The following PROM1 variants were observed in gnomAD, a reference collection of about 807,000 sequenced individuals.
The protein encoded by PROM1 is prominin 1.
Under a neutral mutation model 116.9 loss-of-function variants are expected in PROM1, and 105 were observed. The observed-to-expected ratio is 0.90, with a 90% CI of 0.77 to 1.06. The LOEUF is 1.06. PROM1 is among the 50% of genes least tolerant of loss of function. PROM1 has a pLI of 0.00. For missense variants in PROM1, 1,122 were observed against 1,045.2 expected, an observed-to-expected ratio of 1.07 and a Z score of -1.01; for synonymous variants, 393 against 387.0, an observed-to-expected ratio of 1.02 and a Z score of -0.18.
intron 2 of PROM1, among the ~76,000 whole-genome samples, chr4:16,045,556 C>T (rs1736350313): frequency 6.6e-6 from 1 of 152,306 alleles, no homozygotes; most frequent in South Asian, 2.1e-4. Flanking sequence ...TTAAGACCCC[C>T]AACATTTTCT....
At chr4:16,050,975 CAGAT>C (rs1483518960) in intron 2 of PROM1, among the ~76,000 whole-genome samples, 2 of 152,146 alleles carry the variant, frequency 1.3e-5, no homozygotes, top group Non-Finnish European at 2.9e-5. Context: ...ACTGGGAAGA[CAGAT>C]AGTAAACAAA....
intron 5 of PROM1, among the ~76,000 whole-genome samples, chr4:16,028,262 C>A (rs1473947686): frequency 6.6e-6 from 1 of 152,132 alleles, no homozygotes. Flanking sequence ...TATTTAAATT[C>A]TAATGCCTGT....
intron 15 of PROM1, among the ~76,000 whole-genome samples, chr4:15,996,286 G>A (rs191797341): frequency 5.6e-4 from 86 of 152,306 alleles, no homozygotes; most frequent in African/African-American, 2.0e-3. Context: ...AAGGTGGGTG[G>A]ATCACCTGAG....
intron 11 of PROM1, among the ~76,000 whole-genome samples, chr4:16,009,558 G>A (rs1384919080): frequency 6.6e-6 from 1 of 152,078 alleles, no homozygotes; most frequent in Admixed American, 6.6e-5. Context: ...TCTGGTAACG[G>A]GATTGAAATT....
intron 11 of PROM1, among the ~76,000 whole-genome samples, chr4:16,010,720 G>A (rs1273274945): frequency 6.6e-6 from 1 of 151,848 alleles, no homozygotes; most frequent in East Asian, 1.9e-4. Context: ...ATCTCACCAT[G>A]TTGCTCCTGG....
intron 20 of PROM1, 93 bp downstream of exon 20, chr4:15,987,570 A>C (rs1719770601): frequency 2.3e-6 from 3 of 1,322,562 alleles, no homozygotes; most frequent in Non-Finnish European, 2.1e-6. Context: ...TTTTTTTTCA[A>C]CTTAAAGTAC....
chr4:16,038,148 C>G (rs1734348737), intron 3 of PROM1: 1 of 152,200 alleles, frequency 6.6e-6, no homozygotes. Flanking sequence ...GTCTTCTAGC[C>G]TCTTGAGACC....
intron 26 of PROM1, among the ~76,000 whole-genome samples, chr4:15,975,313 G>A (rs371918179): frequency 5.3e-5 from 8 of 152,168 alleles, no homozygotes; most frequent in South Asian, 2.1e-4. Flanking sequence ...TCCGCCTCCC[G>A]GGTTCAAGCG....
intron 2 of PROM1, chr4:16,055,592 T>C: frequency 6.2e-6 from 2 of 325,068 alleles, no homozygotes; most frequent in Non-Finnish European, 1.2e-5. Context: ...AGAGAGGCTG[T>C]CACGGAATCA....
intron 19 of PROM1, among the ~76,000 whole-genome samples, chr4:15,989,057 A>G (rs952065544): frequency 6.6e-6 from 1 of 152,156 alleles, no homozygotes; most frequent in African/African-American, 2.4e-5. Flanking sequence ...CCTCCTCTTT[A>G]CTGAGATCCT....
chr4:16,055,201 T>C (rs140270970), intron 2 of PROM1: 2 of 309,196 alleles, frequency 6.5e-6, no homozygotes, highest in East Asian at 1.6e-4. Context: ...ACTATTTTCC[T>C]TGGAGAAACA....
intron 11 of PROM1, among the ~76,000 whole-genome samples, chr4:16,012,820 G>T (rs186991586): frequency 7.1e-6 from 1 of 141,124 alleles, no homozygotes; most frequent in Non-Finnish European, 1.5e-5. Flanking sequence ...GCAGTGAGCC[G>T]AGATTGTGCC....
intron 2 of PROM1, among the ~76,000 whole-genome samples, chr4:16,056,966 A>G (rs1340273291): frequency 2.6e-5 from 4 of 152,224 alleles, no homozygotes; most frequent in Admixed American, 2.0e-4. Flanking sequence ...TTTCCATGCG[A>G]GCAAATTAGT....
At chr4:16,014,849 T>C (rs930833653) in intron 10 of PROM1, among the ~76,000 whole-genome samples, 3 of 152,228 alleles carry the variant, frequency 2.0e-5, no homozygotes, top group Non-Finnish European at 4.4e-5. Flanking sequence ...GAGCAAGATT[T>C]GGTAAGCTAC....
intron 2 of PROM1, among the ~76,000 whole-genome samples, chr4:16,039,520 C>G (rs1382870457): frequency 2.0e-5 from 3 of 152,072 alleles, no homozygotes; most frequent in African/African-American, 7.2e-5. Context: ...GGTGGATCAC[C>G]CGAGGCCAGG....
At chr4:15,998,269 T>G (rs1414265762) in intron 15 of PROM1, 116 bp downstream of exon 15, 3 of 1,392,638 alleles carry the variant, frequency 2.2e-6, no homozygotes, top group Non-Finnish European at 2.8e-6. Context: ...CAGGACAGCT[T>G]ATCTCTGAAA....
intron 19 of PROM1, among the ~76,000 whole-genome samples, chr4:15,988,203 T>C (rs1719995671): frequency 6.6e-6 from 1 of 152,150 alleles, no homozygotes; most frequent in Non-Finnish European, 1.5e-5. Context: ...ATGCCTCTGG[T>C]GTAAGAAAAC....
chr4:15,970,953 G>A, intron 27 of PROM1, 90 bp downstream of exon 27: 2 of 992,102 alleles, frequency 2.0e-6, no homozygotes, highest in South Asian at 1.5e-5. Flanking sequence ...ACTTAATGTG[G>A]CAATGTATTA....
At chr4:15,992,485 G>A (rs1721315374) in intron 16 of PROM1, 94 bp from the exon 17 acceptor site, 4 of 1,334,880 alleles carry the variant, frequency 3.0e-6, no homozygotes, top group Non-Finnish European at 3.1e-6. Context: ...GGATGTGGTG[G>A]CTCATGCCTG....
Sources: gnomAD v4.1 joint callset for allele counts (sites outside exome capture counted in the v4.1 genomes callset) on GRCh38, gnomAD v4.1.1 for gene constraint, MANE v1.5 for transcripts, NCBI Gene and HGNC (gene_info 2026-07-23, HGNC 2026-07-21) for gene names.